PHF21A: variants seen among roughly 807,000 people sequenced by gnomAD.
PHF21A encodes the protein BHC80a.
In PHF21A, 11 loss-of-function variants were observed where a neutral mutation model predicts 82.5. That is an observed-to-expected ratio of 0.13 (90% CI 0.08 to 0.22). The LOEUF is 0.22. Among genes scored for constraint, PHF21A ranks in the 10% least tolerant of loss-of-function variants. PHF21A has a pLI of 1.00. For synonymous variants in PHF21A, 297 were observed against 302.8 expected, an observed-to-expected ratio of 0.98 and a Z score of 0.20; for missense variants, 579 against 837.8, an observed-to-expected ratio of 0.69 and a Z score of 3.81.
chr11:45,982,321 G>A (rs1029075404), intron 6 of PHF21A, among the ~76,000 whole-genome samples: 8 of 151,982 alleles, frequency 5.3e-5, no homozygotes, highest in South Asian at 2.1e-4. Context: ...ATCATATAAA[G>A]GCCAATTTTG....
intron 10 of PHF21A, among the ~76,000 whole-genome samples, chr11:45,957,711 C>T (rs547749552): frequency 1.6e-4 from 19 of 122,054 alleles, no homozygotes; most frequent in Admixed American, 1.4e-3. Flanking sequence ...AATAACCTAA[C>T]TTTACACCTT....
At chr11:46,004,440 G>A (rs1210131707) in intron 6 of PHF21A, among the ~76,000 whole-genome samples, 1 of 152,180 alleles carries the variant, frequency 6.6e-6, no homozygotes, top group East Asian at 1.9e-4. Flanking sequence ...ACACTGGGGA[G>A]TAGGGAAGGG....
chr11:46,050,832 A>ATG (rs993481836), intron 6 of PHF21A, among the ~76,000 whole-genome samples: 5 of 152,236 alleles, frequency 3.3e-5, no homozygotes, highest in Non-Finnish European at 7.3e-5. Context: ...GCAACTGAGT[A>ATG]TGTGTGCAGG....
chr11:45,986,239 T>G (rs1414266987), intron 6 of PHF21A, among the ~76,000 whole-genome samples: 1 of 152,156 alleles, frequency 6.6e-6, no homozygotes, highest in Non-Finnish European at 1.5e-5. Context: ...CTAGCCTGAT[T>G]GAAATGCAGT....
At chr11:46,098,071 C>T (rs1479129001) in intron 1 of PHF21A, among the ~76,000 whole-genome samples, 1 of 152,164 alleles carries the variant, frequency 6.6e-6, no homozygotes, top group Admixed American at 6.6e-5. Flanking sequence ...CCTTCAGTAC[C>T]TAGGAAAGTA....
At chr11:46,024,738 T>C (rs2095705402) in intron 6 of PHF21A, among the ~76,000 whole-genome samples, 1 of 152,134 alleles carries the variant, frequency 6.6e-6, no homozygotes. Context: ...AGGTGAAGGT[T>C]GCAGTGAGCC....
intron 6 of PHF21A, among the ~76,000 whole-genome samples, chr11:45,991,440 A>G (rs2094696662): frequency 6.6e-6 from 1 of 152,168 alleles, no homozygotes; most frequent in Non-Finnish European, 1.5e-5. Context: ...AGACTTAAAG[A>G]GTTCCAACTC....
At position 46,120,939 on chromosome 11, in the gene PHF21A, C is replaced by A; in HGVS notation, c.-241G>T. ...GGAAAAGCTGGGATACTGCACCCTC[C>A]TGCTGCTGGCTGGCTGTCCCCCCTG... On this transcript the variant is annotated 5_prime_UTR_variant, in exon 1 of 19. It adds an upstream start codon to the 5' untranslated region. Transcript: ENST00000676320. 6.5e-6 allele frequency: 1 copy of A among 153,330 alleles called. No homozygotes were observed. Among genetic ancestry groups the A allele is most frequent in the Non-Finnish European group, 1.5e-5 (1 of 68,908 alleles). 9.5% of individuals were successfully genotyped at this position (153,330 alleles called of 1,614,324 possible).
chr11:45,972,939 G>A (rs2093846084), intron 7 of PHF21A, among the ~76,000 whole-genome samples: 1 of 150,602 alleles, frequency 6.6e-6, no homozygotes, highest in Non-Finnish European at 1.5e-5. Flanking sequence ...TTAGCCAGGT[G>A]TGGTGGCAGG....
At chr11:46,045,332 C>T (rs2096241150) in intron 6 of PHF21A, among the ~76,000 whole-genome samples, 1 of 152,112 alleles carries the variant, frequency 6.6e-6, no homozygotes, top group Non-Finnish European at 1.5e-5. Flanking sequence ...GGTACTAACA[C>T]AAAGGAGAGG....
At chr11:46,005,042 T>C (rs750960518) in intron 6 of PHF21A, among the ~76,000 whole-genome samples, 9 of 152,164 alleles carry the variant, frequency 5.9e-5, no homozygotes, top group Non-Finnish European at 1.2e-4. Context: ...CACATGCATG[T>C]ATACACCCAA....
intron 6 of PHF21A, among the ~76,000 whole-genome samples, chr11:46,008,883 C>T (rs143843072): frequency 3.3e-5 from 5 of 151,840 alleles, no homozygotes; most frequent in Admixed American, 6.6e-5. Context: ...CTTATTTGAC[C>T]AGTGTTCACC....
chr11:46,089,397 C>T lies in PHF21A; in HGVS notation c.-84+1058G>A, dbSNP rs2096896325. On this transcript the variant is annotated intron_variant, in intron 3 of 18. Transcript: ENST00000676320. ...TAATACTATTTATTAAAAACTTTAA[C>T]ATTTATTAACATGAATCAATACAAA... is the stretch of plus-strand genomic sequence containing the variant. 2.6e-5 allele frequency among the ~76,000 whole-genome samples: 4 copies of T among 152,110 alleles called. No homozygotes were observed. In the South Asian group the frequency reaches 8.3e-4, roughly 32 times the overall value.
intron 9 of PHF21A, among the ~76,000 whole-genome samples, chr11:45,969,448 T>C (rs2093635802): frequency 6.6e-6 from 1 of 152,232 alleles, no homozygotes; most frequent in Non-Finnish European, 1.5e-5. Context: ...TAGCTGTTGT[T>C]TCCTTCCCTA....
intron 7 of PHF21A, among the ~76,000 whole-genome samples, chr11:45,979,417 T>A (rs371126612): frequency 1.2e-4 from 19 of 152,324 alleles, no homozygotes; most frequent in African/African-American, 3.8e-4. Flanking sequence ...AGAGGTCAAG[T>A]CACAAACTTT....
chr11:45,958,471 T>C (rs1250638829), intron 10 of PHF21A, among the ~76,000 whole-genome samples: 74 of 87,904 alleles, frequency 8.4e-4, no homozygotes, highest in Admixed American at 3.5e-3. Flanking sequence ...CACACACACA[T>C]ATATATTAGC....
At chr11:45,979,710 A>G (rs2094197566) in intron 7 of PHF21A, 50 bp downstream of exon 7, 1 of 1,611,948 alleles carries the variant, frequency 6.2e-7, no homozygotes, top group African/African-American at 1.3e-5. Flanking sequence ...ATGACCAACA[A>G]CAAATCAGTC....
At chr11:46,045,247 G>A (rs2096239177) in intron 6 of PHF21A, among the ~76,000 whole-genome samples, 1 of 152,076 alleles carries the variant, frequency 6.6e-6, no homozygotes, top group African/African-American at 2.4e-5. Context: ...ACTATGTACT[G>A]CCCTGGTCTA....
intron 2 of PHF21A, among the ~76,000 whole-genome samples, chr11:46,091,769 G>A (rs2096927370): frequency 6.6e-6 from 1 of 152,098 alleles, no homozygotes; most frequent in African/African-American, 2.4e-5. Flanking sequence ...CTTCAAGCTG[G>A]ATGACTTGAA....
Sources: allele counts gnomAD v4.1 joint callset (sites outside exome capture counted in the v4.1 genomes callset), GRCh38; gene constraint gnomAD v4.1.1; transcripts MANE v1.5; gene names NCBI Gene and HGNC (gene_info 2026-07-23, HGNC 2026-07-21).